The following SREBF1 variants were observed in gnomAD, a reference collection of about 807,000 sequenced individuals.
SREBF1 encodes sterol regulatory element-binding protein 1.
A neutral mutation model predicts 100.1 loss-of-function variants in SREBF1; 45 were observed. The ratio of observed to expected loss-of-function variants is 0.45; its 90% CI spans 0.35 to 0.58. The LOEUF is 0.58. Ranked by LOEUF, SREBF1 falls within the 20% of genes least tolerant of loss-of-function variation. The probability of loss-of-function intolerance (pLI) is 0.00; values close to 1 mark genes in which losing one functional copy is unlikely to be tolerated. For synonymous variants in SREBF1, 657 were observed against 681.8 expected (o/e 0.96, Z 0.57); for missense variants, 1,324 against 1,539.4 (o/e 0.86, Z 2.34).
chr17:17,816,188 A>ACCCCCAATCCCCCCACCCTCCCCACTCCC lies in SREBF1; in HGVS notation c.2214+18_2214+19insGGGAGTGGGGAGGGTGGGGGGATTGGGGG. 2 of 789,250 alleles carry ACCCCCAATCCCCCCACCCTCCCCACTCCC rather than the reference A, an allele frequency of 2.5e-6. No homozygotes were observed. Among genetic ancestry groups the ACCCCCAATCCCCCCACCCTCCCCACTCCC allele is most frequent in the South Asian group, 2.6e-5 (1 of 38,802 alleles). The allele number at this position is 789,250 out of a possible 1,614,324, so 48.9% of individuals were successfully genotyped here. ...GAGAGAGCTGCAGGGATAAGCCCCC[A>ACCCCCAATCCCCCCACCCTCCCCACTCCC]GCCCCCCAACCCACTCACTGTCAGA... On this transcript the variant is annotated intron_variant, in intron 11 of 18. Coordinates refer to ENST00000261646, the MANE Select transcript of SREBF1 (RefSeq NM_004176.5).
chr17:17,827,628 C>G (rs759372927), intron 1 of SREBF1, among the ~76,000 whole-genome samples: 7 of 152,154 alleles, frequency 4.6e-5, no homozygotes, highest in Admixed American at 3.3e-4. Flanking sequence ...CGGAATGGGA[C>G]GCACCCATGG....
At position 17,814,245 on chromosome 17, in the gene SREBF1, C is replaced by T; in HGVS notation, c.2901G>A (p.Lys967=). Reference sequence around the variant, plus strand: ...CCAGGCCCCTGACCCCACCCCTCACCTTGTCAATGGAGCTGCTGGCTGGTG... The same window carrying T: ...CCAGGCCCCTGACCCCACCCCTCACTTTGTCAATGGAGCTGCTGGCTGGTG... ...ATTPASSSID[K]AVQLFLCDLL... Residue 967 remains lysine (K), a splice_region_variant and synonymous_variant, in exon 16 of 19, where the codon AAG becomes AAA. Transcript: ENST00000261646. 6.2e-7 allele frequency: 1 copy of T among 1,604,788 alleles called. No individual in the cohort carries two copies. The highest frequency in any genetic ancestry group is 1.7e-4 in the Middle Eastern group (1 of 6,046).
rs554570759 is a variant in SREBF1 at position 17,816,915 on chromosome 17, T to TG, written c.1785+42dup. The TG allele has an allele frequency of 3.1e-6, 5 of 1,611,752 alleles. No homozygotes were observed. The African/African-American group carries it at 5.3e-5, about 17-fold the overall frequency. On this transcript the variant is annotated intron_variant, in intron 9 of 18. Transcript: ENST00000261646. ...GTTGACACCCAGCACCTTCACAGCC[T>TG]GGGGTCCCTGCCCTGCCCACTCTGC...
chr17:17,823,974 G>A (rs1172276759), intron 1 of SREBF1, among the ~76,000 whole-genome samples: 2 of 152,156 alleles, frequency 1.3e-5, no homozygotes, highest in African/African-American at 4.8e-5. Flanking sequence ...CTTCGTTAAA[G>A]GGTCAAAGCA....
intron 16 of SREBF1, 175 bp from the exon 17 acceptor site, chr17:17,813,944 C>CT: frequency 1.4e-6 from 1 of 735,324 alleles, no homozygotes. Flanking sequence ...CTCTCGGCCC[C>CT]CACACCCGCC....
At chr17:17,820,599 A>G in intron 1 of SREBF1, 78 bp from the exon 2 acceptor site, 1 of 1,475,136 alleles carries the variant, frequency 6.8e-7, no homozygotes, top group Non-Finnish European at 9.3e-7. Context: ...TCCAAACACA[A>G]CCTTATTTGC....
Position 17,813,619 on chromosome 17 carries a change from G to T in SREBF1, c.3052C>A (p.Leu1018Met). 1 of 1,586,580 alleles carries T rather than the reference G, an allele frequency of 6.3e-7. No homozygotes were observed. The highest frequency in any genetic ancestry group is 8.5e-7 in the Non-Finnish European group (1 of 1,172,520). Residue 1018 changes from leucine (L) to methionine (M), a missense_variant, in exon 17 of 19, where the codon CTG (leucine) becomes ATG (methionine). By Grantham distance (15) the Leu-to-Met change is conservative (BLOSUM62 2). Coordinates refer to ENST00000261646, the MANE Select transcript of SREBF1 (RefSeq NM_004176.5). ...TGTGCCAGCCGCCTCAGGCTGCTCA[G>T]GTCCCGTTGGAAGCCACGCAGCTCA... is the stretch of plus-strand genomic sequence containing the variant. ...ALELRGFQRDLSSLRRLAQSF... is the reference protein window; with the variant it reads ...ALELRGFQRDMSSLRRLAQSF...
At chr17:17,829,205 A>AAAAAT (rs1210718799) in intron 1 of SREBF1, among the ~76,000 whole-genome samples, 1 of 65,868 alleles carries the variant, frequency 1.5e-5, no homozygotes, top group African/African-American at 8.8e-5. Flanking sequence ...AAAAAAAAAA[A>AAAAAT]ATATATATAT....
rs1301720965 is a variant in SREBF1, at chr17:17,820,285, A to T, written c.328T>A (p.Tyr110Asn). Residue 110 changes from tyrosine (Y) to asparagine (N), a missense_variant, in exon 2 of 19, where the codon TAC becomes AAC. By Grantham distance (143) the Tyr-to-Asn change is moderately radical (BLOSUM62 -2). Coordinates refer to ENST00000261646, the MANE Select transcript of SREBF1 (RefSeq NM_004176.5). Reference sequence around the variant, plus strand: ...GGGGAGAAAGCGGGCATGGACGGGTACATCTTCAATGGAGTGGGTGCAGGC... The same window carrying T: ...GGGGAGAAAGCGGGCATGGACGGGTTCATCTTCAATGGAGTGGGTGCAGGC... ...PQPAPTPLKMYPSMPAFSPGP... is the reference protein window; with the variant it reads ...PQPAPTPLKMNPSMPAFSPGP... 1.2e-6 allele frequency: 2 copies of T among 1,613,878 alleles called. No individual in the cohort carries two copies. The highest frequency in any genetic ancestry group is 2.2e-5 in the South Asian group (2 of 91,080).
intron 1 of SREBF1, among the ~76,000 whole-genome samples, chr17:17,826,682 C>T (rs1221317488): frequency 6.6e-6 from 1 of 152,196 alleles, no homozygotes; most frequent in Non-Finnish European, 1.5e-5. Context: ...CTATCAGGAC[C>T]CAACAGGAAA....
intron 6 of SREBF1, 136 bp from the exon 7 acceptor site, chr17:17,818,052 G>T: frequency 1.0e-6 from 1 of 1,004,282 alleles, no homozygotes; most frequent in Non-Finnish European, 1.5e-6. Flanking sequence ...GCTGGGTTAG[G>T]GCCAAAGGGA....
rs1452691112 is a variant in SREBF1 at position 17,814,599 on chromosome 17, C to T, written c.2735+16G>A. 2.6e-6 allele frequency: 4 copies of T among 1,538,650 alleles called. No homozygotes were observed. The highest frequency in any genetic ancestry group is 3.5e-6 in the Non-Finnish European group (4 of 1,147,106). On this transcript the variant is annotated intron_variant, in intron 15 of 18. Transcript: ENST00000261646. ...TGAGCCCGGGACCAGGCAGGAGGAA[C>T]CTGCCGTGCACTCACTCAGACTCCT...
Position 17,811,403 on chromosome 17 carries a change from GAAAAAA to G in SREBF1, c.*1213_*1218del, listed in dbSNP as rs34061744. On this transcript the variant is annotated 3_prime_UTR_variant, in exon 19 of 19. Coordinates refer to ENST00000261646, the MANE Select transcript of SREBF1 (RefSeq NM_004176.5). ...GAGTAAAAAACAGTCATTGCATTCA[GAAAAAA>G]AAAAAAAAAAAAGTCAATAAAGATA... 10 of 163,380 alleles carry G rather than the reference GAAAAAA, an allele frequency of 6.1e-5. No homozygotes were observed. The highest frequency in any genetic ancestry group is 3.3e-4 in the South Asian group (4 of 11,956). The allele number at this position is 163,380 out of a possible 1,614,324, so 10.1% of individuals were successfully genotyped here.
At chr17:17,834,027 CAGAG>C (rs58189290) in intron 1 of SREBF1, among the ~76,000 whole-genome samples, 5 of 148,004 alleles carry the variant, frequency 3.4e-5, no homozygotes, top group African/African-American at 1.0e-4. Flanking sequence ...TATAAACACA[CAGAG>C]AGAGAGAGAG....
At position 17,816,324 on chromosome 17, in the gene SREBF1, G is replaced by C. The variant is rs1486014250; in HGVS notation, c.2097C>G (p.Ala699=). 1 of 1,588,292 alleles carries C rather than the reference G, an allele frequency of 6.3e-7. No individual in the cohort carries two copies. The highest frequency in any genetic ancestry group is 1.3e-5 in the African/African-American group (1 of 74,306). The stretch of plus-strand genomic sequence containing the variant: ...CCCCTGCACACTCTGCCAGGTTCAG[G>C]GCACTCAGCGCCAGGTTGGTGGCAG... ...HLTATNLALS[A]LNLAECAGDA... is the part of the protein sequence containing the mutation. Residue 699 remains alanine, a synonymous_variant, in exon 11 of 19, where the codon GCC becomes GCG. Transcript: ENST00000261646.
chr17:17,819,663 C>A lies in SREBF1; in HGVS notation c.586G>T (p.Val196Phe), dbSNP rs1418952213. Residue 196 changes from valine (V) to phenylalanine (F), a missense_variant, in exon 3 of 19, where the codon GTC becomes TTC. Physicochemically the swap from Val to Phe is conservative, Grantham distance 50. Coordinates refer to ENST00000261646, the MANE Select transcript of SREBF1 (RefSeq NM_004176.5). ...TGGGTGTGCAAGGAGACGGGCGGGA[C>A]CCCTGGCGGGGAAGCCAGTGGCAGG... is the stretch of plus-strand genomic sequence containing the variant. ...PGLPLASPPG[V>F]PPVSLHTQVQ... 6.2e-7 allele frequency: 1 copy of A among 1,612,194 alleles called. No homozygotes were observed. Among genetic ancestry groups the A allele is most frequent in the Non-Finnish European group, 8.5e-7 (1 of 1,179,322 alleles).
chr17:17,836,778 C>T lies in SREBF1; in HGVS notation c.40G>A (p.Ala14Thr). The T allele has an allele frequency of 6.4e-7, 1 of 1,566,090 alleles. No homozygotes were observed. Among genetic ancestry groups the T allele is most frequent in the South Asian group, 1.2e-5 (1 of 86,446 alleles). The change falls in exon 1 of 19, where the codon GCG becomes ACG. Residue 14 changes from alanine to threonine, a missense_variant. Coordinates refer to ENST00000261646, the MANE Select transcript of SREBF1 (RefSeq NM_004176.5). ...PPFSEAALEQ[A>T]LGEPCDLDAA... ...TCCAGATCGCACGGCTCGCCCAGCG[C>T]CTGCTCCAAAGCCGCCTCGCTGAAG...
chr17:17,832,009 T>C (rs139207866), intron 1 of SREBF1, among the ~76,000 whole-genome samples: 12 of 152,316 alleles, frequency 7.9e-5, no homozygotes, highest in African/African-American at 2.9e-4. Context: ...ACATAGCCTC[T>C]GACCCCTCTG....
rs1355603606 is a variant in SREBF1 at position 17,819,231 on chromosome 17, G to T, written c.850C>A (p.Leu284Met). The change falls in exon 5 of 19, where the codon CTG (leucine) becomes ATG (methionine). Residue 284 changes from leucine to methionine, a missense_variant. Physicochemically the swap from Leu to Met is conservative, Grantham distance 15. Transcript: ENST00000261646. The part of the protein sequence containing the change: ...TTVQTGPLPT[L>M]VSGGTILATV... ...GCCAAGATGGTTCCGCCACTCACCA[G>T]GGTCTGCAGGGCCAGGCACATGTTA... is the stretch of plus-strand genomic sequence containing the variant. 3 of 1,613,938 alleles carry T rather than the reference G, an allele frequency of 1.9e-6. No homozygotes were observed. The highest frequency in any genetic ancestry group is 2.5e-6 in the Non-Finnish European group (3 of 1,180,052).
Sources: gnomAD v4.1 joint callset for allele counts (sites outside exome capture counted in the v4.1 genomes callset) on GRCh38, gnomAD v4.1.1 for gene constraint, MANE v1.5 for transcripts, NCBI Gene and HGNC (gene_info 2026-07-23, HGNC 2026-07-21) for gene names.